CTNNA3: variants seen among roughly 807,000 people sequenced by gnomAD.
CTNNA3 encodes the protein catenin alpha 3.
In CTNNA3, 76 loss-of-function variants were observed where a neutral mutation model predicts 95.7. That is an observed-to-expected ratio of 0.79 (90% CI 0.66 to 0.96). The LOEUF (loss-of-function observed/expected upper bound fraction) is 0.96. Ranked by LOEUF, CTNNA3 falls within the 40% of genes least tolerant of loss-of-function variation. The pLI is 0.00. For synonymous variants in CTNNA3, 431 were observed against 374.4 expected (o/e 1.15, Z -1.74); for missense variants, 1,191 against 1,089.8 (o/e 1.09, Z -1.31).
At chr10:67,008,028 C>T (rs1371646970) in intron 7 of CTNNA3, among the ~76,000 whole-genome samples, 1 of 151,394 alleles carries the variant, frequency 6.6e-6, no homozygotes, top group East Asian at 1.9e-4. Flanking sequence ...AGTATAAGAA[C>T]TTTAAATGAA....
chr10:66,330,266 G>A (rs1203160888), intron 12 of CTNNA3, among the ~76,000 whole-genome samples: 1 of 146,088 alleles, frequency 6.8e-6, no homozygotes, highest in Admixed American at 7.0e-5. Flanking sequence ...TCCCCTTCCT[G>A]TGTCCCTGTG....
intron 7 of CTNNA3, among the ~76,000 whole-genome samples, chr10:66,797,854 G>A (rs1312952711): frequency 2.0e-5 from 3 of 151,660 alleles, no homozygotes; most frequent in East Asian, 3.9e-4. Context: ...AATTATTTGG[G>A]CATGTAAAAT....
At chr10:67,433,843 C>T (rs10997637) in intron 5 of CTNNA3, among the ~76,000 whole-genome samples, 5,031 of 151,986 alleles carry the variant, frequency 0.033, 97 homozygotes, top group Non-Finnish European at 0.041. Context: ...TCAACCCTAG[C>T]CATACCACCT....
intron 13 of CTNNA3, among the ~76,000 whole-genome samples, chr10:66,189,239 T>G (rs2086516467): frequency 6.6e-6 from 1 of 151,062 alleles, no homozygotes; most frequent in Admixed American, 6.6e-5. Flanking sequence ...TCCCACTTGT[T>G]TGCTTCTCTT....
intron 11 of CTNNA3, among the ~76,000 whole-genome samples, chr10:66,504,450 T>A (rs1260057007): frequency 6.6e-6 from 1 of 152,148 alleles, no homozygotes; most frequent in African/African-American, 2.4e-5. Flanking sequence ...ATGATTCCTG[T>A]TTTCAAATTT....
intron 13 of CTNNA3, among the ~76,000 whole-genome samples, chr10:66,150,194 C>T (rs991203070): frequency 6.6e-6 from 1 of 152,154 alleles, no homozygotes; most frequent in Non-Finnish European, 1.5e-5. Context: ...GGTCTGTTCT[C>T]GTGATAGTGA....
chr10:67,473,160 A>C (rs1456149791), intron 5 of CTNNA3, among the ~76,000 whole-genome samples: 4 of 152,228 alleles, frequency 2.6e-5, no homozygotes, highest in Non-Finnish European at 5.9e-5. Context: ...TTATTACATG[A>C]TGAAATGCTT....
In CTNNA3 at chr10:66,999,399, T is replaced by C. The variant is rs556570292; in HGVS notation, c.1047+180918A>G. On this transcript the variant is annotated intron_variant, in intron 7 of 17. Coordinates refer to ENST00000433211, the MANE Select transcript of CTNNA3 (RefSeq NM_013266.4). ...CCTGAAAAAAATATATAATCAAGGA[T>C]AGGTAAGCATCTAATAATTAAATTA... Among the ~76,000 whole-genome samples, 131 of 152,106 alleles carry C rather than the reference T, an allele frequency of 8.6e-4. 1 individual carries two copies. Among genetic ancestry groups the C allele is most frequent in the Admixed American group, 5.9e-4 (9 of 15,266 alleles).
At chr10:66,963,307 G>A (rs1849225189) in intron 7 of CTNNA3, among the ~76,000 whole-genome samples, 1 of 152,158 alleles carries the variant, frequency 6.6e-6, no homozygotes, top group African/African-American at 2.4e-5. Flanking sequence ...CAACTTGTGA[G>A]CTGTGTAGCA....
intron 11 of CTNNA3, among the ~76,000 whole-genome samples, chr10:66,421,208 T>C (rs12774486): frequency 0.26 from 40,267 of 152,004 alleles, 5,488 homozygotes; most frequent in South Asian, 0.39. Context: ...AAAAGATTGA[T>C]CTGATAATGG....
At chr10:67,345,082 C>G (rs910169577) in intron 5 of CTNNA3, among the ~76,000 whole-genome samples, 24 of 151,768 alleles carry the variant, frequency 1.6e-4, no homozygotes, top group Admixed American at 6.6e-4. Flanking sequence ...CAATTTCCTT[C>G]TTAATTTCTT....
At chr10:67,633,086 C>T (rs1053288428) in intron 2 of CTNNA3, among the ~76,000 whole-genome samples, 7 of 151,984 alleles carry the variant, frequency 4.6e-5, no homozygotes, top group Middle Eastern at 3.2e-3. Flanking sequence ...GAAGGGTCCC[C>T]GACAATAGCA....
At chr10:66,391,015 A>G (rs567978742) in intron 11 of CTNNA3, among the ~76,000 whole-genome samples, 12 of 152,128 alleles carry the variant, frequency 7.9e-5, no homozygotes, top group Non-Finnish European at 1.5e-4. Context: ...GTAACCAGAA[A>G]ATAAAGCACT....
chr10:66,896,770 T>C (rs1480807613), intron 7 of CTNNA3, among the ~76,000 whole-genome samples: 1 of 152,200 alleles, frequency 6.6e-6, no homozygotes, highest in Non-Finnish European at 1.5e-5. Flanking sequence ...GGACTTCTTG[T>C]ATGCCTTTCC....
chr10:66,506,858 T>C (rs1265733435), intron 11 of CTNNA3, among the ~76,000 whole-genome samples: 3 of 152,178 alleles, frequency 2.0e-5, no homozygotes, highest in Admixed American at 2.0e-4. Flanking sequence ...AAGAATAATG[T>C]ATAAGTGCAA....
intron 11 of CTNNA3, among the ~76,000 whole-genome samples, chr10:66,512,868 TC>T (rs1300356998): frequency 6.6e-6 from 1 of 152,180 alleles, no homozygotes; most frequent in East Asian, 1.9e-4. Flanking sequence ...TTCTGAGAAA[TC>T]TGCTGTTAGT....
intron 10 of CTNNA3, among the ~76,000 whole-genome samples, chr10:66,549,265 G>A (rs1417457057): frequency 2.6e-5 from 4 of 151,868 alleles, no homozygotes; most frequent in Non-Finnish European, 5.9e-5. Flanking sequence ...CAAAGTGCTG[G>A]GATTACAGGC....
At chr10:67,131,429 T>C (rs1392844510) in intron 7 of CTNNA3, among the ~76,000 whole-genome samples, 6 of 152,128 alleles carry the variant, frequency 3.9e-5, no homozygotes, top group African/African-American at 1.4e-4. Context: ...TAAACAACTA[T>C]ATAAGTAATA....
intron 7 of CTNNA3, among the ~76,000 whole-genome samples, chr10:66,931,348 C>G (rs1358560993): frequency 6.6e-6 from 1 of 152,158 alleles, no homozygotes; most frequent in Admixed American, 6.6e-5. Context: ...AGTGCTACCA[C>G]AGCATGTAGT....
Sources: gnomAD v4.1 joint callset for allele counts (sites outside exome capture counted in the v4.1 genomes callset) on GRCh38, gnomAD v4.1.1 for gene constraint, MANE v1.5 for transcripts, NCBI Gene and HGNC (gene_info 2026-07-23, HGNC 2026-07-21) for gene names.